CHRM3: variants seen among roughly 807,000 people sequenced by gnomAD.
The protein encoded by CHRM3 is muscarinic acetylcholine receptor M3.
Under a neutral mutation model 41.8 loss-of-function variants are expected in CHRM3, and 11 were observed. That is an observed-to-expected ratio of 0.26 (90% confidence interval 0.17 to 0.44). The LOEUF is 0.44. Among genes scored for constraint, CHRM3 ranks in the 20% least tolerant of loss-of-function variants. CHRM3 has a pLI of 1.00. For synonymous variants in CHRM3, 297 were observed against 301.4 expected (o/e 0.99, Z 0.15); for missense variants, 571 against 745.4 (o/e 0.77, Z 2.72).
At chr1:239,513,992 A>G (rs1669094471) in intron 2 of CHRM3, among the ~76,000 whole-genome samples, 1 of 151,966 alleles carries the variant, frequency 6.6e-6, no homozygotes, top group Non-Finnish European at 1.5e-5. Flanking sequence ...TCTTTTGATC[A>G]ATTTATCTAG....
intron 3 of CHRM3, among the ~76,000 whole-genome samples, chr1:239,565,139 G>A (rs562406310): frequency 6.6e-6 from 1 of 152,256 alleles, no homozygotes; most frequent in East Asian, 1.9e-4. Flanking sequence ...TGACCATCAG[G>A]GACCACTTGG....
intron 1 of CHRM3, among the ~76,000 whole-genome samples, chr1:239,455,161 C>T (rs1664835431): frequency 6.6e-6 from 1 of 152,040 alleles, no homozygotes; most frequent in Non-Finnish European, 1.5e-5. Context: ...AAGCAATTTT[C>T]CTGTCTCAGC....
At chr1:239,409,157 C>T (rs1412868218) in intron 1 of CHRM3, among the ~76,000 whole-genome samples, 2 of 152,088 alleles carry the variant, frequency 1.3e-5, no homozygotes, top group African/African-American at 4.8e-5. Context: ...ATTTATTGAG[C>T]AGCTGCCAAG....
chr1:239,506,531 A>T (rs747700432), intron 2 of CHRM3, among the ~76,000 whole-genome samples: 5 of 152,190 alleles, frequency 3.3e-5, no homozygotes, highest in Non-Finnish European at 5.9e-5. Flanking sequence ...AATGTATGGA[A>T]ATGCCTGGAT....
At chr1:239,840,144 A>G (rs897867449) in intron 6 of CHRM3, among the ~76,000 whole-genome samples, 38 of 152,188 alleles carry the variant, frequency 2.5e-4, no homozygotes, top group African/African-American at 7.5e-4. Context: ...TCAATTTTGG[A>G]TCTATCCATC....
At chr1:239,484,560 G>A (rs1667064990) in intron 1 of CHRM3, among the ~76,000 whole-genome samples, 1 of 152,156 alleles carries the variant, frequency 6.6e-6, no homozygotes. Flanking sequence ...ACAGCTAGGT[G>A]TGGTGGTGTG....
intron 5 of CHRM3, among the ~76,000 whole-genome samples, chr1:239,694,651 A>T (rs1051263658): frequency 1.3e-5 from 2 of 152,222 alleles, no homozygotes; most frequent in African/African-American, 2.4e-5. Flanking sequence ...GAGCTTAAAA[A>T]TCAAAGGGAT....
chr1:239,882,298 C>T (rs1283487346), intron 6 of CHRM3, among the ~76,000 whole-genome samples: 1 of 152,188 alleles, frequency 6.6e-6, no homozygotes, highest in Non-Finnish European at 1.5e-5. Context: ...TGGTGCCTCT[C>T]TGGCGTGCAG....
intron 1 of CHRM3, among the ~76,000 whole-genome samples, chr1:239,489,408 G>C (rs1048659112): frequency 6.8e-6 from 1 of 146,496 alleles, no homozygotes; most frequent in African/African-American, 2.4e-5. Flanking sequence ...GCGAGACTCT[G>C]TCTCAAAAAA....
chr1:239,453,571 A>G (rs1467277447), intron 1 of CHRM3, among the ~76,000 whole-genome samples: 1 of 152,214 alleles, frequency 6.6e-6, no homozygotes, highest in East Asian at 1.9e-4. Context: ...ATTTCCATAC[A>G]ATTAACATGG....
intron 5 of CHRM3, among the ~76,000 whole-genome samples, chr1:239,794,198 A>G (rs1181751288): frequency 6.6e-6 from 1 of 152,182 alleles, no homozygotes; most frequent in Non-Finnish European, 1.5e-5. Flanking sequence ...TAAATAAAAT[A>G]AATGATATAT....
chr1:239,438,540 G>A (rs4233478), intron 1 of CHRM3, among the ~76,000 whole-genome samples: 143,168 of 152,276 alleles, frequency 0.94, 67,904 homozygotes, highest in Non-Finnish European at 1. Flanking sequence ...ACAGCTTATC[G>A]TATGATCTCC....
chr1:239,814,305 G>A (rs1671392688), intron 5 of CHRM3, among the ~76,000 whole-genome samples: 1 of 152,120 alleles, frequency 6.6e-6, no homozygotes, highest in African/African-American at 2.4e-5. Context: ...AGGGCACTGT[G>A]GAGTGTGTTT....
chr1:239,766,714 GAT>G lies in CHRM3; in HGVS notation c.-146-60534_-146-60533del, dbSNP rs902481466. On this transcript the variant is annotated intron_variant, in intron 5 of 6. Coordinates refer to ENST00000676153, the MANE Select transcript of CHRM3 (RefSeq NM_001375978.1). The stretch of plus-strand genomic sequence containing the variant: ...AGATATAGATATAGATATAGATATA[GAT>G]ATAATTTTTCTTTGAGACAGAATCT... Among the ~76,000 whole-genome samples, 23 of 119,990 alleles carry G rather than the reference GAT, an allele frequency of 1.9e-4. No individual in the cohort carries two copies. The South Asian group carries it at 4.4e-3, about 23-fold the overall frequency. The allele number at this position is 119,990 out of a possible 152,430, so 78.7% of individuals were successfully genotyped here. A position where few individuals can be genotyped will look rare whatever the true frequency, so the allele number is the denominator to read the frequency against.
rs566090128 is a variant in CHRM3, at chr1:239,420,564, A to G, written c.-521+33337A>G. ...CAATAGTCTCTAATTAAGGAACATT[A>G]TATTTTGACCTAAATATGTATTTCA... On this transcript the variant is annotated intron_variant, in intron 1 of 6. Coordinates refer to ENST00000676153, the MANE Select transcript of CHRM3 (RefSeq NM_001375978.1). 2.7e-4 allele frequency among the ~76,000 whole-genome samples: 41 copies of G among 152,264 alleles called. No homozygotes were observed. In the South Asian group the frequency reaches 8.1e-3, roughly 30 times the overall value.
chr1:239,494,014 G>T (rs984682658), intron 2 of CHRM3, among the ~76,000 whole-genome samples: 1 of 152,122 alleles, frequency 6.6e-6, no homozygotes, highest in Non-Finnish European at 1.5e-5. Context: ...AATGTGCCCA[G>T]ATTTGGTAAT....
At chr1:239,778,909 T>A (rs567495273) in intron 5 of CHRM3, among the ~76,000 whole-genome samples, 4 of 152,324 alleles carry the variant, frequency 2.6e-5, no homozygotes, top group African/African-American at 7.2e-5. Flanking sequence ...AGAGACACAC[T>A]TATAGTTTCA....
At chr1:239,480,286 G>A (rs544481018) in intron 1 of CHRM3, among the ~76,000 whole-genome samples, 22 of 152,140 alleles carry the variant, frequency 1.4e-4, no homozygotes, top group African/African-American at 5.3e-4. Context: ...AACAATAAGG[G>A]TAATTATGTA....
At chr1:239,457,622 A>G (rs1202642342) in intron 1 of CHRM3, among the ~76,000 whole-genome samples, 1 of 152,164 alleles carries the variant, frequency 6.6e-6, no homozygotes, top group African/African-American at 2.4e-5. Context: ...CTAAGCTTTC[A>G]TATTCCCCAG....
Sources: allele counts gnomAD v4.1 joint callset (sites outside exome capture counted in the v4.1 genomes callset), GRCh38; gene constraint gnomAD v4.1.1; transcripts MANE v1.5; gene names NCBI Gene and HGNC (gene_info 2026-07-23, HGNC 2026-07-21).